PRRC2C: variants seen among roughly 807,000 people sequenced by gnomAD.
The protein encoded by PRRC2C is proline rich coiled-coil 2C.
In PRRC2C, 72 loss-of-function variants were observed where a neutral mutation model predicts 317.2. The observed-to-expected ratio is 0.23, with a 90% CI of 0.19 to 0.28. PRRC2C has a LOEUF of 0.28. Among genes scored for constraint, PRRC2C ranks in the 10% least tolerant of loss-of-function variants. PRRC2C has a pLI of 1.00. For missense variants in PRRC2C, 3,074 were observed against 3,459.7 expected, an observed-to-expected ratio of 0.89 and a Z score of 2.80; for synonymous variants, 1,296 against 1,205.9, an observed-to-expected ratio of 1.07 and a Z score of -1.55.
At chr1:171,539,509 C>T (rs1677543189) in intron 15 of PRRC2C, among the ~76,000 whole-genome samples, 1 of 152,092 alleles carries the variant, frequency 6.6e-6, no homozygotes, top group Non-Finnish European at 1.5e-5. Context: ...TTACCTTTAC[C>T]TATATTTCCT....
chr1:171,515,525 T>A (rs1672201754), intron 4 of PRRC2C, among the ~76,000 whole-genome samples: 1 of 152,188 alleles, frequency 6.6e-6, no homozygotes, highest in African/African-American at 2.4e-5. Context: ...ACTGGTAGAT[T>A]ACTGTCTTAG....
chr1:171,492,517 A>G (rs946992421), intron 1 of PRRC2C, among the ~76,000 whole-genome samples: 1 of 152,024 alleles, frequency 6.6e-6, no homozygotes, highest in East Asian at 1.9e-4. Flanking sequence ...TGTTCTACAT[A>G]TGGACTGAGT....
chr1:171,549,719 A>G (rs1267183215), intron 17 of PRRC2C, among the ~76,000 whole-genome samples: 2 of 151,838 alleles, frequency 1.3e-5, no homozygotes, highest in Admixed American at 6.6e-5. Flanking sequence ...ATACCACCAC[A>G]CACATCTAAT....
chr1:171,592,067 T>G lies in PRRC2C; in HGVS notation c.*220T>G. 4.3e-6 allele frequency: 2 copies of G among 466,940 alleles called. No individual in the cohort carries two copies. Among genetic ancestry groups the G allele is most frequent in the Non-Finnish European group, 3.7e-6 (1 of 270,032 alleles). 28.9% of individuals were successfully genotyped at this position (466,940 alleles called of 1,614,324 possible). ...CTTGTACCTACTATATAACATGTGC[T>G]TGGTTGATGGCCATGCATCTTCAGT... On this transcript the variant is annotated 3_prime_UTR_variant, in exon 35 of 35. Coordinates refer to ENST00000647382, the MANE Select transcript of PRRC2C (RefSeq NM_001387844.1).
rs151253372 is a variant in PRRC2C at position 171,522,581 on chromosome 1, CCAGCATGGT to C, written c.833+323_833+331del. 590 of 166,042 alleles carry C rather than the reference CCAGCATGGT, an allele frequency of 3.6e-3. 17 individuals are homozygous for C. The East Asian group carries it at 0.074, about 21-fold the overall frequency. 10.3% of individuals were successfully genotyped at this position (166,042 alleles called of 1,614,324 possible). On this transcript the variant is annotated intron_variant, in intron 7 of 34. Coordinates refer to ENST00000647382, the MANE Select transcript of PRRC2C (RefSeq NM_001387844.1). The stretch of plus-strand genomic sequence containing the variant: ...GGTCAGGAGTTCAAGGCCAGCCTGG[CCAGCATGGT>C]GAAACCCTGTTTCTATTAAAAAAGT...
Position 171,579,860 on chromosome 1 carries a change from T to A in PRRC2C, c.7305T>A (p.Ile2435=). 6.3e-7 allele frequency: 1 copy of A among 1,587,570 alleles called. No individual in the cohort carries two copies. Among genetic ancestry groups the A allele is most frequent in the Non-Finnish European group, 8.5e-7 (1 of 1,170,484 alleles). The part of the protein sequence containing the change: ...PTSVQQIPIP[I]YAPLQGQHQA... ...CAGTTCAGCAGATTCCAATCCCTATTTATGCACCACTGCAAGGGCAGCATC... is the reference window on the plus strand; with the variant it reads ...CAGTTCAGCAGATTCCAATCCCTATATATGCACCACTGCAAGGGCAGCATC... The change falls in exon 28 of 35, where the codon ATT becomes ATA. Residue 2435 remains isoleucine (I), a synonymous_variant. Transcript: ENST00000647382.
Position 171,557,567 on chromosome 1 carries a change from G to T in PRRC2C, c.5455G>T (p.Ala1819Ser), listed in dbSNP as rs981464464. The T allele has an allele frequency of 2.1e-5, 32 of 1,551,466 alleles. No homozygotes were observed. The highest frequency in any genetic ancestry group is 2.4e-5 in the Non-Finnish European group (28 of 1,146,974). ...APVSASASVSASVPASTSAAA... is the reference protein window; with the variant it reads ...APVSASASVSSSVPASTSAAA... Reference sequence around the variant, plus strand: ...AGTTTCAGCCTCAGCCTCAGTCTCAGCTTCAGTTCCAGCCTCTACTTCAGC... The same window carrying T: ...AGTTTCAGCCTCAGCCTCAGTCTCATCTTCAGTTCCAGCCTCTACTTCAGC... The change falls in exon 19 of 35, where the codon GCT (alanine) becomes TCT (serine). Residue 1819 changes from alanine to serine, a missense_variant. Ala to Ser is a moderately conservative substitution (Grantham distance 99). This residue lies in a region of PRRC2C where 640 missense variants were observed against 676.1 expected (regional missense o/e 0.95). Coordinates refer to ENST00000647382, the MANE Select transcript of PRRC2C (RefSeq NM_001387844.1).
chr1:171,496,404 T>C (rs1668112179), intron 1 of PRRC2C, among the ~76,000 whole-genome samples: 1 of 151,888 alleles, frequency 6.6e-6, no homozygotes, highest in Non-Finnish European at 1.5e-5. Context: ...TATTTTGCCA[T>C]GTTGGCCAGG....
At position 171,557,336 on chromosome 1, in the gene PRRC2C, G is replaced by A; in HGVS notation, c.5224G>A (p.Ala1742Thr). The change falls in exon 19 of 35, where the codon GCA (alanine) becomes ACA (threonine). Residue 1742 changes from alanine to threonine, a missense_variant. Transcript: ENST00000647382. ...AAAACAGGCTACAGGGATCCAGCAA[G>A]CACAGTCTTCAGCCTCAGTTCCACC... ...AKKQATGIQQ[A>T]QSSASVPPLA... 2 of 1,551,966 alleles carry A rather than the reference G, an allele frequency of 1.3e-6. No individual in the cohort carries two copies. Among genetic ancestry groups the A allele is most frequent in the Non-Finnish European group, 1.7e-6 (2 of 1,147,040 alleles).
At chr1:171,569,031 T>G (rs749163168) in intron 23 of PRRC2C, among the ~76,000 whole-genome samples, 4 of 152,154 alleles carry the variant, frequency 2.6e-5, no homozygotes, top group Non-Finnish European at 5.9e-5. Flanking sequence ...GATGAAAAAT[T>G]GTTAGCCCAG....
intron 1 of PRRC2C, chr1:171,511,193 TCAAAAA>T (rs143693711): frequency 4.0e-5 from 6 of 150,568 alleles, no homozygotes; most frequent in African/African-American, 1.5e-4. Context: ...CAATAACCCC[TCAAAAA>T]CAAAAACAAA....
rs766045850 is a variant in PRRC2C at position 171,532,775 on chromosome 1, CAAGAAA to C, written c.1699_1704del (p.Lys567_Glu568del). The C allele has an allele frequency of 8.5e-6, 13 of 1,524,468 alleles. No homozygotes were observed. Among genetic ancestry groups the C allele is most frequent in the African/African-American group, 7.1e-5 (5 of 70,260 alleles). 94.4% of individuals were successfully genotyped at this position (1,524,468 alleles called of 1,614,324 possible). A position where few individuals can be genotyped will look rare whatever the true frequency, so the allele number is the denominator to read the frequency against. On this transcript the variant is annotated inframe_deletion, in exon 12 of 35. Coordinates refer to ENST00000647382, the MANE Select transcript of PRRC2C (RefSeq NM_001387844.1). The stretch of plus-strand genomic sequence containing the variant: ...AAGAGAAATGGAGAAAGAAAGAAAG[CAAGAAA>C]AAGAAAAAGAACTAGAACGGCAGAA...
intron 6 of PRRC2C, 46 bp from the exon 7 acceptor site, chr1:171,522,131 A>G (rs1165691468): frequency 9.3e-7 from 1 of 1,078,958 alleles, no homozygotes; most frequent in Admixed American, 2.2e-5. Flanking sequence ...TTTTTAAAAT[A>G]ACTAGGTTGC....
At chr1:171,521,639 G>A (rs1673588821) in intron 6 of PRRC2C, among the ~76,000 whole-genome samples, 1 of 151,964 alleles carries the variant, frequency 6.6e-6, no homozygotes, top group Non-Finnish European at 1.5e-5. Context: ...TTTTCTTTTT[G>A]AGGTGCTGGG....
chr1:171,557,122 G>A, intron 18 of PRRC2C, 118 bp from the exon 19 acceptor site: 7 of 1,442,056 alleles, frequency 4.9e-6, no homozygotes, highest in Non-Finnish European at 6.4e-6. Flanking sequence ...TTTGTGGTTT[G>A]AGTACCTATT....
At chr1:171,503,448 C>T (rs1177958506) in intron 1 of PRRC2C, among the ~76,000 whole-genome samples, 4 of 151,378 alleles carry the variant, frequency 2.6e-5, no homozygotes, top group Admixed American at 6.6e-5. Flanking sequence ...CACTTGAACC[C>T]GGGAGGCGGA....
At position 171,591,885 on chromosome 1, in the gene PRRC2C, G is replaced by GCCCC; in HGVS notation, c.*38_*39insCCCC. 2.3e-5 allele frequency: 10 copies of GCCCC among 433,548 alleles called. No individual in the cohort carries two copies. Among genetic ancestry groups the GCCCC allele is most frequent in the Admixed American group, 3.1e-5 (1 of 32,238 alleles). The allele number at this position is 433,548 out of a possible 1,614,324, so 26.9% of individuals were successfully genotyped here. On this transcript the variant is annotated 3_prime_UTR_variant, in exon 35 of 35. Transcript: ENST00000647382. ...ATTGCAGGGGATTGGGAGGGGGGCG[G>GCCCC]GAAAACATGGAGAATTAAGTCAGAT... is the stretch of plus-strand genomic sequence containing the variant.
chr1:171,532,739 C>G lies in PRRC2C; in HGVS notation c.1651C>G (p.Gln551Glu), dbSNP rs1230747714. Residue 551 changes from glutamine (Q) to glutamate (E), a missense_variant, in exon 12 of 35, where the codon CAG becomes GAG. Gln to Glu is a conservative substitution (Grantham distance 29). Coordinates refer to ENST00000647382, the MANE Select transcript of PRRC2C (RefSeq NM_001387844.1). ...AAAGGAGAAAGAGCTGGAGAAGGAG[C>G]AGGAAAAACAAAGAGAAATGGAGAA... ...QEKEKELEKE[Q>E]EKQREMEKER... 1.0e-5 allele frequency: 16 copies of G among 1,535,884 alleles called. No homozygotes were observed. The highest frequency in any genetic ancestry group is 7.1e-5 in the African/African-American group (5 of 70,818).
At chr1:171,551,845 T>G (rs1348995638) in intron 18 of PRRC2C, among the ~76,000 whole-genome samples, 1 of 152,232 alleles carries the variant, frequency 6.6e-6, no homozygotes, top group Non-Finnish European at 1.5e-5. Flanking sequence ...ACCAGTACCA[T>G]GCTGTTTTGG....
Sources: allele counts gnomAD v4.1 joint callset (sites outside exome capture counted in the v4.1 genomes callset), GRCh38; gene constraint gnomAD v4.1.1; regional missense constraint gnomAD v4.1.1; transcripts MANE v1.5; gene names NCBI Gene and HGNC (gene_info 2026-07-23, HGNC 2026-07-21).